The following DNAAF6 variants were observed in gnomAD, a reference collection of about 807,000 sequenced individuals.
DNAAF6 encodes dynein axonemal assembly factor 6.
Under a neutral mutation model 13.7 loss-of-function variants are expected in DNAAF6, and 3 were observed. The ratio of observed to expected loss-of-function variants is 0.22; its 90% CI spans 0.10 to 0.56. The LOEUF is 0.56. Ranked by LOEUF, DNAAF6 falls within the 20% of genes least tolerant of loss-of-function variation. The pLI is 0.92. For missense variants in DNAAF6, 130 were observed against 151.0 expected (o/e 0.86, Z 0.73); for synonymous variants, 54 against 49.2 (o/e 1.10, Z -0.41).
intron 5 of DNAAF6, among the ~76,000 whole-genome samples, chrX:107,238,377 C>T (rs1216186115): frequency 9.0e-6 from 1 of 111,031 alleles, no homozygotes; most frequent in Admixed American, 9.6e-5. Context: ...TCTTACTAAA[C>T]CAATATGTTG....
At chrX:107,226,950 T>A (rs907749681) in intron 5 of DNAAF6, among the ~76,000 whole-genome samples, 58 of 110,371 alleles carry the variant, frequency 5.3e-4, no homozygotes, top group Admixed American at 9.6e-4. Context: ...CAACCAGGAG[T>A]CACATGTTTA....
chrX:107,216,524 C>T lies in DNAAF6; in HGVS notation c.154-147C>T, dbSNP rs1286258383. 3 of 391,435 alleles carry T rather than the reference C, an allele frequency of 7.7e-6. No homozygotes were observed. In the African/African-American group the frequency reaches 7.8e-5, roughly 10 times the overall value. 32.3% of individuals were successfully genotyped at this position (391,435 alleles called of 1,213,427 possible). On this transcript the variant is annotated intron_variant, in intron 2 of 6. Coordinates refer to ENST00000372453, the MANE Select transcript of DNAAF6 (RefSeq NM_173494.2). ...ATTCGAAATAGTACTTGACATCTGT[C>T]TTTCTGTTTTATAACAATGATGGGT...
intron 4 of DNAAF6, among the ~76,000 whole-genome samples, chrX:107,221,940 A>C (rs1389138318): frequency 9.4e-6 from 1 of 106,584 alleles, no homozygotes; most frequent in Non-Finnish European, 1.9e-5. Context: ...TAATAATAAT[A>C]ATAATTTGTA....
chrX:107,212,783 G>A, intron 1 of DNAAF6, 90 bp from the exon 2 acceptor site: 1 of 993,241 alleles, frequency 1.0e-6, no homozygotes, highest in African/African-American at 2.0e-5. Flanking sequence ...GTGATCCAGG[G>A]AAAGAAGGGA....
In DNAAF6 at chrX:107,243,303, G is replaced by T. The variant is rs774391175; in HGVS notation, c.*5G>T. ...GATATTGCTAATTTCTTCTGAAACT[G>T]CATGAAAAAGATAAAAAGTAGTAAA... On this transcript the variant is annotated 3_prime_UTR_variant, in exon 7 of 7. Transcript: ENST00000372453. 54 of 1,187,259 alleles carry T rather than the reference G, an allele frequency of 4.5e-5. No individual in the cohort carries two copies. Among genetic ancestry groups the T allele is most frequent in the Non-Finnish European group, 5.8e-5 (51 of 886,884 alleles).
chrX:107,207,243 C>A (rs1927727461), intron 1 of DNAAF6: 3 of 111,274 alleles, frequency 2.7e-5, no homozygotes, highest in African/African-American at 9.8e-5. Context: ...GTACTTACTA[C>A]GTGAATAATG....
At chrX:107,212,734 G>A (rs1200086710) in intron 1 of DNAAF6, 139 bp from the exon 2 acceptor site, 2 of 780,134 alleles carry the variant, frequency 2.6e-6, no homozygotes, top group African/African-American at 4.3e-5. Context: ...ATTTGAAGGA[G>A]TTTAAAAGGA....
intron 6 of DNAAF6, among the ~76,000 whole-genome samples, chrX:107,240,286 A>G (rs1928599643): frequency 8.9e-6 from 1 of 112,189 alleles, no homozygotes; most frequent in Admixed American, 9.5e-5. Context: ...TGCGCAGTGC[A>G]GAGAGGTACC....
intron 1 of DNAAF6, among the ~76,000 whole-genome samples, chrX:107,208,211 C>A (rs1020175616): frequency 9.0e-6 from 1 of 110,595 alleles, no homozygotes; most frequent in Non-Finnish European, 1.9e-5. Flanking sequence ...CTGGGCTACA[C>A]GGTGAAGCCC....
chrX:107,240,853 GATA>G (rs1417366245), intron 6 of DNAAF6, among the ~76,000 whole-genome samples: 1 of 111,490 alleles, frequency 9.0e-6, no homozygotes, highest in Non-Finnish European at 1.9e-5. Context: ...CCTTGAATGT[GATA>G]ATAATAACAC....
chrX:107,225,551 A>G (rs964853643), intron 5 of DNAAF6, among the ~76,000 whole-genome samples: 1 of 111,138 alleles, frequency 9.0e-6, no homozygotes, highest in Non-Finnish European at 1.9e-5. Context: ...GACCTGGTCT[A>G]TATGTAACAA....
At chrX:107,240,438 G>A (rs1440785751) in intron 6 of DNAAF6, among the ~76,000 whole-genome samples, 1 of 111,695 alleles carries the variant, frequency 9.0e-6, no homozygotes, top group African/African-American at 3.2e-5. Context: ...TTGTTTTCGA[G>A]TTTATTGATA....
intron 3 of DNAAF6, among the ~76,000 whole-genome samples, chrX:107,218,102 A>C (rs773942875): frequency 1.8e-5 from 2 of 112,572 alleles, no homozygotes; most frequent in Non-Finnish European, 3.8e-5. Context: ...GGGAATGCTT[A>C]AAATGACTCA....
At chrX:107,215,735 G>A (rs1602678962) in intron 2 of DNAAF6, among the ~76,000 whole-genome samples, 1 of 111,860 alleles carries the variant, frequency 8.9e-6, no homozygotes, top group East Asian at 2.8e-4. Flanking sequence ...AAAGTCTTAG[G>A]AGATGAGGAC....
At chrX:107,233,920 A>G (rs1203272047) in intron 5 of DNAAF6, among the ~76,000 whole-genome samples, 2 of 112,131 alleles carry the variant, frequency 1.8e-5, no homozygotes, top group Non-Finnish European at 3.8e-5. Context: ...GTTATGTGAT[A>G]AGGAATGATT....
chrX:107,243,051 A>G, intron 6 of DNAAF6, 118 bp from the exon 7 acceptor site: 1 of 786,838 alleles, frequency 1.3e-6, no homozygotes, highest in Non-Finnish European at 1.8e-6. Context: ...ACACTATCTA[A>G]ATATTGGGGG....
chrX:107,237,544 C>T (rs1423018840), intron 5 of DNAAF6, among the ~76,000 whole-genome samples: 1 of 112,403 alleles, frequency 8.9e-6, no homozygotes, highest in Non-Finnish European at 1.9e-5. Context: ...AGTATATTCA[C>T]GATGTTGTGC....
At position 107,221,281 on chromosome X, in the gene DNAAF6, GT is replaced by G. The variant is rs113179926; in HGVS notation, c.333-1456del. Among the ~76,000 whole-genome samples, 292 of 109,254 alleles carry G rather than the reference GT, an allele frequency of 2.7e-3. 3 individuals are homozygous for G. The highest frequency in any genetic ancestry group is 9.2e-3 in the African/African-American group (277 of 30,003). 94.9% of individuals were successfully genotyped at this position (109,254 alleles called of 115,157 possible). The stretch of plus-strand genomic sequence containing the variant: ...TGAGCCACAGTGCCCAACCAAATTT[GT>G]TTTTTTTCTTCGCCAACCACCGCCC... On this transcript the variant is annotated intron_variant, in intron 4 of 6. Coordinates refer to ENST00000372453, the MANE Select transcript of DNAAF6 (RefSeq NM_173494.2).
chrX:107,222,949 G>A (rs1217678794), intron 5 of DNAAF6, 108 bp downstream of exon 5: 16 of 1,005,211 alleles, frequency 1.6e-5, no homozygotes, highest in Non-Finnish European at 1.9e-5. Context: ...TTTAAAAATC[G>A]TGGTTGCTAT....
Sources: gnomAD v4.1 joint callset for allele counts (sites outside exome capture counted in the v4.1 genomes callset) on GRCh38, gnomAD v4.1.1 for gene constraint, MANE v1.5 for transcripts, NCBI Gene and HGNC (gene_info 2026-07-23, HGNC 2026-07-21) for gene names.